The following RAD51B variants were observed in gnomAD, a reference collection of about 807,000 sequenced individuals.
RAD51B encodes the protein DNA repair protein RAD51 homolog 2.
Under a neutral mutation model 42.2 loss-of-function variants are expected in RAD51B, and 38 were observed. That is an observed-to-expected ratio of 0.90 (90% CI 0.70 to 1.18). RAD51B has a LOEUF of 1.18. Ranked by LOEUF, RAD51B falls within the 50% of genes most tolerant of loss-of-function variation. The pLI is 0.00. For synonymous variants in RAD51B, 154 were observed against 145.2 expected (o/e 1.06, Z -0.43); for missense variants, 373 against 400.7 (o/e 0.93, Z 0.59).
intron 10 of RAD51B, among the ~76,000 whole-genome samples, chr14:68,604,440 G>A (rs568790754): frequency 2.6e-5 from 4 of 152,312 alleles, no homozygotes; most frequent in Non-Finnish European, 2.9e-5. Flanking sequence ...GTGGTGTCCC[G>A]CCAGTGGCTG....
intron 4 of RAD51B, among the ~76,000 whole-genome samples, chr14:67,847,316 TTGG>T (rs564777576): frequency 2.9e-3 from 418 of 143,342 alleles, no homozygotes; most frequent in African/African-American, 0.011. Context: ...AGTTTTGGGG[TTGG>T]TTTGTTCTTT....
At position 68,062,623 on chromosome 14, in the gene RAD51B, G is replaced by A. The variant is rs769594430; in HGVS notation, c.756+175419G>A. ...AGCCTGGCCAATATGGTGAAATCCCGTCTCTACTAAAAAAACAACAACAAA... is the reference window on the plus strand; with the variant it reads ...AGCCTGGCCAATATGGTGAAATCCCATCTCTACTAAAAAAACAACAACAAA... On this transcript the variant is annotated intron_variant, in intron 7 of 10. Transcript: ENST00000471583. Among the ~76,000 whole-genome samples the A allele has an allele frequency of 9.2e-5, 14 of 151,712 alleles. No individual in the cohort carries two copies. The East Asian group carries it at 1.4e-3, about 15-fold the overall frequency.
intron 10 of RAD51B, among the ~76,000 whole-genome samples, chr14:68,510,442 C>T (rs1029019357): frequency 6.6e-6 from 1 of 152,172 alleles, no homozygotes; most frequent in African/African-American, 2.4e-5. Flanking sequence ...GAAGCGAAGT[C>T]ACCCAACACA....
At chr14:68,599,737 T>C (rs1402947550), downstream of RAD51B, among the ~76,000 whole-genome samples, 1 of 152,108 alleles carries the variant, frequency 6.6e-6, no homozygotes, top group Non-Finnish European at 1.5e-5. Context: ...ACCATAACTA[T>C]AAGAAGCTGG....
chr14:68,643,727 G>A (rs1244218404), intron 10 of RAD51B, among the ~76,000 whole-genome samples: 1 of 152,202 alleles, frequency 6.6e-6, no homozygotes, highest in East Asian at 1.9e-4. Context: ...GGAAATCAGA[G>A]CAGCTCCTTG....
exon 11 of RAD51B, chr14:68,594,486 GACA>G (rs1355078916): frequency 1.5e-6 from 2 of 1,368,402 alleles, no homozygotes; most frequent in Non-Finnish European, 1.9e-6. Flanking sequence ...CTCTCTTAGA[GACA>G]ACATTTTGCT....
At chr14:67,826,873 G>C (rs1305960656) in intron 3 of RAD51B, among the ~76,000 whole-genome samples, 1 of 151,976 alleles carries the variant, frequency 6.6e-6, no homozygotes, top group Non-Finnish European at 1.5e-5. Context: ...TGTAGAGATG[G>C]GGTTTTGCCA....
intron 7 of RAD51B, among the ~76,000 whole-genome samples, chr14:67,909,483 A>T (rs1235636591): frequency 6.6e-6 from 1 of 152,206 alleles, no homozygotes; most frequent in Non-Finnish European, 1.5e-5. Flanking sequence ...CTTATTCTGT[A>T]CTTATCATAA....
chr14:67,869,862 A>T (rs2042462099), intron 5 of RAD51B, among the ~76,000 whole-genome samples: 1 of 152,148 alleles, frequency 6.6e-6, no homozygotes, highest in African/African-American at 2.4e-5. Flanking sequence ...GAGAAATAAA[A>T]TACTTTACAG....
At chr14:67,966,627 C>A (rs2074784152) in intron 7 of RAD51B, among the ~76,000 whole-genome samples, 1 of 152,140 alleles carries the variant, frequency 6.6e-6, no homozygotes, top group Admixed American at 6.5e-5. Flanking sequence ...TTTCTCTATG[C>A]ATTGACTTAG....
chr14:67,944,201 ATT>A (rs370785745), intron 7 of RAD51B, among the ~76,000 whole-genome samples: 5,820 of 130,008 alleles, frequency 0.045, 260 homozygotes, highest in African/African-American at 0.13. Flanking sequence ...AGAAGTAAAG[ATT>A]TTTTTTTTTT....
At chr14:68,256,773 A>G (rs1024401126) in intron 7 of RAD51B, among the ~76,000 whole-genome samples, 1 of 152,086 alleles carries the variant, frequency 6.6e-6, no homozygotes, top group Non-Finnish European at 1.5e-5. Flanking sequence ...CTAACCTTCT[A>G]CAGTTCTGAA....
chr14:68,556,728 C>G (rs1423549798), intron 10 of RAD51B, among the ~76,000 whole-genome samples: 1 of 152,164 alleles, frequency 6.6e-6, no homozygotes, highest in Non-Finnish European at 1.5e-5. Flanking sequence ...ACATATGTTT[C>G]TTTGAATGCA....
chr14:68,040,706 GAGGCAAGCC>G (rs1247018994), intron 7 of RAD51B, among the ~76,000 whole-genome samples: 2 of 152,198 alleles, frequency 1.3e-5, no homozygotes, highest in African/African-American at 4.8e-5. Flanking sequence ...TCCAGGTCAT[GAGGCAAGCC>G]AGAACTTACC....
At chr14:68,498,994 G>A (rs1050590203) in intron 10 of RAD51B, among the ~76,000 whole-genome samples, 1 of 152,202 alleles carries the variant, frequency 6.6e-6, no homozygotes, top group Non-Finnish European at 1.5e-5. Context: ...GGGTCAGAGA[G>A]CAAGGCTAGA....
At chr14:68,483,570 G>A (rs1883368873) in intron 10 of RAD51B, among the ~76,000 whole-genome samples, 1 of 152,300 alleles carries the variant, frequency 6.6e-6, no homozygotes, top group Admixed American at 6.5e-5. Context: ...AGACCATCAT[G>A]CCTTGTGTGA....
intron 10 of RAD51B, among the ~76,000 whole-genome samples, chr14:68,472,577 G>C (rs930493242): frequency 6.6e-6 from 1 of 152,228 alleles, no homozygotes; most frequent in African/African-American, 2.4e-5. Flanking sequence ...TTTGGAACAG[G>C]ACAGAAGATA....
intron 8 of RAD51B, among the ~76,000 whole-genome samples, chr14:68,342,764 G>A (rs1032895925): frequency 3.3e-5 from 5 of 152,200 alleles, no homozygotes; most frequent in African/African-American, 1.2e-4. Context: ...GTTGGTACTT[G>A]TGGCCTCTAC....
intron 8 of RAD51B, among the ~76,000 whole-genome samples, chr14:68,363,533 TTGGAGTGTG>T (rs2083074636): frequency 3.3e-5 from 5 of 152,118 alleles, no homozygotes; most frequent in Non-Finnish European, 5.9e-5. Context: ...GGCCTCCTCA[TTGGAGTGTG>T]CAGGGGCCTC....
Sources: gnomAD v4.1 joint callset for allele counts (sites outside exome capture counted in the v4.1 genomes callset) on GRCh38, gnomAD v4.1.1 for gene constraint, MANE v1.5 for transcripts, NCBI Gene and HGNC (gene_info 2026-07-23, HGNC 2026-07-21) for gene names.